The following TESK2 variants were observed in gnomAD, a reference collection of about 807,000 sequenced individuals.
The protein encoded by TESK2 is dual specificity testis-specific protein kinase 2.
TESK2 carries 39 observed loss-of-function variants against 57.1 expected under a neutral mutation model. The ratio of observed to expected loss-of-function variants is 0.68; its 90% CI spans 0.53 to 0.89. TESK2 has a LOEUF of 0.89. TESK2 is among the 40% of genes least tolerant of loss of function. The probability of loss-of-function intolerance (pLI) is 0.00; values close to 1 mark genes in which losing one functional copy is unlikely to be tolerated. For missense variants in TESK2, 646 were observed against 732.1 expected, an observed-to-expected ratio of 0.88 and a Z score of 1.36; for synonymous variants, 249 against 267.9, an observed-to-expected ratio of 0.93 and a Z score of 0.69.
At chr1:45,468,768 G>A (rs1289038558) in intron 1 of TESK2, among the ~76,000 whole-genome samples, 3 of 152,116 alleles carry the variant, frequency 2.0e-5, no homozygotes, top group African/African-American at 7.2e-5. Flanking sequence ...GGTGTGGGAT[G>A]AGCACTACTG....
intron 4 of TESK2, among the ~76,000 whole-genome samples, chr1:45,366,887 A>G (rs1570654624): frequency 6.6e-6 from 1 of 152,240 alleles, no homozygotes; most frequent in South Asian, 2.1e-4. Flanking sequence ...TAATCCCAGC[A>G]CTTTTGGAGG....
intron 4 of TESK2, among the ~76,000 whole-genome samples, chr1:45,370,046 C>T (rs181719672): frequency 2.0e-5 from 3 of 152,124 alleles, no homozygotes; most frequent in African/African-American, 7.2e-5. Context: ...AGGGAAAGAG[C>T]ATATTCTAGG....
At chr1:45,465,309 G>C (rs192796768) in intron 1 of TESK2, among the ~76,000 whole-genome samples, 1 of 152,156 alleles carries the variant, frequency 6.6e-6, no homozygotes, top group Admixed American at 6.6e-5. Context: ...TACTCAGGAG[G>C]CTAAGGCAAG....
intron 3 of TESK2, among the ~76,000 whole-genome samples, chr1:45,394,130 T>C (rs1405444418): frequency 6.6e-6 from 1 of 152,016 alleles, no homozygotes; most frequent in African/African-American, 2.4e-5. Flanking sequence ...TACAGATTCA[T>C]GTTGAGAAGG....
At chr1:45,444,273 T>A (rs1006215) in intron 2 of TESK2, among the ~76,000 whole-genome samples, 31,014 of 152,000 alleles carry the variant, frequency 0.2, 3,462 homozygotes, top group Non-Finnish European at 0.26. Flanking sequence ...TTTCTAAAAC[T>A]TTGGTCCAAG....
chr1:45,418,041 G>A (rs960437492), intron 3 of TESK2, among the ~76,000 whole-genome samples: 2 of 152,130 alleles, frequency 1.3e-5, no homozygotes, highest in African/African-American at 4.8e-5. Context: ...AGTGAAGAGA[G>A]TAAGAAAAGG....
chr1:45,406,859 C>G (rs1649868911), intron 3 of TESK2, among the ~76,000 whole-genome samples: 1 of 152,048 alleles, frequency 6.6e-6, no homozygotes, highest in South Asian at 2.1e-4. Context: ...ATTGAATCAC[C>G]TCCTCAGAGG....
intron 4 of TESK2, among the ~76,000 whole-genome samples, chr1:45,380,650 A>G (rs1648614862): frequency 6.6e-6 from 1 of 152,210 alleles, no homozygotes; most frequent in African/African-American, 2.4e-5. Flanking sequence ...AAGACAGAGC[A>G]AAGAGAAAGA....
chr1:45,470,780 T>C (rs924127190), intron 1 of TESK2, among the ~76,000 whole-genome samples: 1 of 152,248 alleles, frequency 6.6e-6, no homozygotes, highest in African/African-American at 2.4e-5. Flanking sequence ...ACAGGTGCTA[T>C]AGTATTTACT....
chr1:45,377,715 G>A (rs192058855), intron 4 of TESK2, among the ~76,000 whole-genome samples: 20 of 143,182 alleles, frequency 1.4e-4, no homozygotes, highest in African/African-American at 4.6e-4. Context: ...CACTGTGCCC[G>A]GCCAAGAACA....
chr1:45,354,906 G>C (rs1201089798), intron 5 of TESK2, among the ~76,000 whole-genome samples: 1 of 143,894 alleles, frequency 6.9e-6, no homozygotes, highest in African/African-American at 2.6e-5. Flanking sequence ...GCTTATGGTG[G>C]GGCACAGTGA....
intron 2 of TESK2, among the ~76,000 whole-genome samples, chr1:45,431,897 T>C (rs981587900): frequency 6.6e-6 from 1 of 152,204 alleles, no homozygotes; most frequent in South Asian, 2.1e-4. Context: ...GGGTACATGT[T>C]AAGGAATTGC....
At chr1:45,478,164 A>G (rs193258605) in intron 1 of TESK2, among the ~76,000 whole-genome samples, 3 of 152,316 alleles carry the variant, frequency 2.0e-5, no homozygotes, top group Admixed American at 6.5e-5. Context: ...ATATTTGTAG[A>G]GCCCTGCTCA....
At chr1:45,453,323 C>G (rs1184879371) in intron 2 of TESK2, among the ~76,000 whole-genome samples, 1 of 111,860 alleles carries the variant, frequency 8.9e-6, no homozygotes. Context: ...GCCTAGGTAA[C>G]AGAATGAGAC....
At chr1:45,439,537 G>T (rs562033691) in intron 2 of TESK2, among the ~76,000 whole-genome samples, 1 of 152,024 alleles carries the variant, frequency 6.6e-6, no homozygotes, top group South Asian at 2.1e-4. Context: ...AATGCTTTAC[G>T]CATAATAGTT....
At chr1:45,377,772 A>C (rs545150030) in intron 4 of TESK2, among the ~76,000 whole-genome samples, 1 of 148,278 alleles carries the variant, frequency 6.7e-6, no homozygotes, top group South Asian at 2.2e-4. Context: ...TCACACCTGT[A>C]ATTCCAACAC....
intron 2 of TESK2, among the ~76,000 whole-genome samples, chr1:45,452,035 A>T (rs1310098960): frequency 6.6e-6 from 1 of 151,454 alleles, no homozygotes; most frequent in Non-Finnish European, 1.5e-5. Context: ...TCCGTCTCAA[A>T]AAAAAAAAAA....
intron 2 of TESK2, among the ~76,000 whole-genome samples, chr1:45,444,567 C>T (rs1215537100): frequency 1.3e-5 from 2 of 152,056 alleles, no homozygotes; most frequent in Non-Finnish European, 1.5e-5. Flanking sequence ...AAGACTGAGC[C>T]AATAAATAAA....
At chr1:45,353,666 T>C (rs1359824118) in intron 5 of TESK2, among the ~76,000 whole-genome samples, 1 of 152,232 alleles carries the variant, frequency 6.6e-6, no homozygotes, top group Non-Finnish European at 1.5e-5. Context: ...AAAACTCTTA[T>C]ACACCTCCCT....
Sources: gnomAD v4.1 joint callset for allele counts (sites outside exome capture counted in the v4.1 genomes callset) on GRCh38, gnomAD v4.1.1 for gene constraint, MANE v1.5 for transcripts, NCBI Gene and HGNC (gene_info 2026-07-23, HGNC 2026-07-21) for gene names.